The following MAX variants were observed in gnomAD, a reference collection of about 807,000 sequenced individuals.
The protein encoded by MAX is MYC associated transcriptional regulator X, also known as protein max.
In MAX, 3 loss-of-function variants were observed where a neutral mutation model predicts 22.3. That is an observed-to-expected ratio of 0.13 (90% CI 0.06 to 0.35). The LOEUF (loss-of-function observed/expected upper bound fraction) is 0.35, where lower values mean the gene tolerates loss of function less well. Ranked by LOEUF, MAX falls within the 10% of genes least tolerant of loss-of-function variation. MAX has a pLI of 1.00. For synonymous variants in MAX, 72 were observed against 77.7 expected (o/e 0.93, Z 0.39); for missense variants, 119 against 209.4 (o/e 0.57, Z 2.66).
At position 65,069,932 on chromosome 14, in the gene MAX, G is replaced by A. The variant is rs538993469; in HGVS notation, c.171+23776C>T. Among the ~76,000 whole-genome samples the A allele has an allele frequency of 6.6e-6, 1 of 152,230 alleles. No individual in the cohort carries two copies. The highest frequency in any genetic ancestry group is 2.4e-5 in the African/African-American group (1 of 41,460). The stretch of plus-strand genomic sequence containing the variant: ...TTCCTCCTCTTAGCTGGCTGGTCTT[G>A]TTGTGGCCTTTTGGCCCAAAGCTGT... On this transcript the variant is annotated intron_variant, in intron 3 of 3. Transcript: ENST00000341653. This position sits in a 1 kb window ranked among gnomAD's most constrained non-coding sequence, Gnocchi z 4.6.
At chr14:65,051,407 TAGAG>T (rs2062606236) in intron 3 of MAX, among the ~76,000 whole-genome samples, 1 of 152,192 alleles carries the variant, frequency 6.6e-6, no homozygotes, top group Non-Finnish European at 1.5e-5. Context: ...GGTCAGGAGT[TAGAG>T]AGCAGCCTGA....
chr14:65,073,077 T>C (rs2063005965), downstream of MAX, among the ~76,000 whole-genome samples: 1 of 152,222 alleles, frequency 6.6e-6, no homozygotes, highest in Admixed American at 6.5e-5. Context: ...AGTGCTTGCT[T>C]GGTCCTGAGG....
downstream of MAX, among the ~76,000 whole-genome samples, chr14:65,072,485 G>A (rs2062998740): frequency 6.6e-6 from 1 of 152,212 alleles, no homozygotes; most frequent in South Asian, 2.1e-4. Flanking sequence ...ATTCAGCTCA[G>A]CTGTGCCTAA....
downstream of MAX, chr14:65,006,107 C>T (rs1168772157): frequency 6.3e-7 from 1 of 1,585,594 alleles, no homozygotes; most frequent in East Asian, 2.2e-5. Flanking sequence ...GGTACTTCTG[C>T]TTACTGGAAC....
At chr14:65,091,793 AT>A (rs1832366785) in intron 3 of MAX, 1 of 152,240 alleles carries the variant, frequency 6.6e-6, no homozygotes, top group Non-Finnish European at 1.5e-5. Flanking sequence ...CTTACCTGAC[AT>A]AATACATATA....
chr14:65,044,546 T>C lies in MAX; in HGVS notation c.172-38262A>G. 1 of 1,472,860 alleles carries C rather than the reference T, an allele frequency of 6.8e-7. No individual in the cohort carries two copies. Among genetic ancestry groups the C allele is most frequent in the Non-Finnish European group, 9.0e-7 (1 of 1,106,446 alleles). 91.2% of individuals were successfully genotyped at this position (1,472,860 alleles called of 1,614,324 possible). A position where few individuals can be genotyped will look rare whatever the true frequency, so the allele number is the denominator to read the frequency against. ...TTTTTAGAGGGGTTGAAATGAGCTC[T>C]GTCTATCCTGGATTTTGAGTGCCCA... On this transcript the variant is annotated intron_variant, in intron 3 of 3. Coordinates refer to the MAX transcript ENST00000341653. This position sits in a 1 kb window ranked among gnomAD's most constrained non-coding sequence, Gnocchi z 5.5.
At chr14:65,036,192 T>C (rs886617200) in intron 3 of MAX, among the ~76,000 whole-genome samples, 1 of 152,174 alleles carries the variant, frequency 6.6e-6, no homozygotes, top group African/African-American at 2.4e-5. Flanking sequence ...TGTCATAGTT[T>C]CCTTATATGT....
chr14:65,021,741 G>A (rs981540213), intron 3 of MAX, among the ~76,000 whole-genome samples: 3 of 152,128 alleles, frequency 2.0e-5, no homozygotes, highest in African/African-American at 7.2e-5. Flanking sequence ...CACCTTCCGG[G>A]TTCAAGCGAT....
Position 65,012,527 on chromosome 14 carries a change from AG to A in MAX, c.172-6244del. 8.3e-7 allele frequency: 1 copy of A among 1,210,302 alleles called. No homozygotes were observed. Among genetic ancestry groups the A allele is most frequent in the Non-Finnish European group, 1.2e-6 (1 of 866,114 alleles). 75.0% of individuals were successfully genotyped at this position (1,210,302 alleles called of 1,614,324 possible). ...GTTCTCTGTGGCTCTGGCAGGAGGT[AG>A]GGTGCTGTCACAGAGCTGGGACTCA... is the stretch of plus-strand genomic sequence containing the variant. On this transcript the variant is annotated intron_variant, in intron 3 of 3. Coordinates refer to the MAX transcript ENST00000341653. This position sits in a 1 kb window ranked among gnomAD's most constrained non-coding sequence, Gnocchi z 5.0.
rs116502145 is a variant in MAX, at chr14:65,012,212, C to T, written c.172-5928G>A. On this transcript the variant is annotated intron_variant, in intron 3 of 3. Transcript: ENST00000341653. This position sits in a 1 kb window ranked among gnomAD's most constrained non-coding sequence, Gnocchi z 5.0. ...TATCCAGTCAGTGATTGCAGGGGGA[C>T]GTCCTGAAGCTGAGTGTTTACCCGT... 2,417 of 1,392,636 alleles carry T rather than the reference C, an allele frequency of 1.7e-3. 41 individuals carry two copies. In the South Asian group the frequency reaches 0.02, roughly 11 times the overall value. 86.3% of individuals were successfully genotyped at this position (1,392,636 alleles called of 1,614,324 possible). A position where few individuals can be genotyped will look rare whatever the true frequency, so the allele number is the denominator to read the frequency against.
chr14:65,089,979 A>G (rs2063455735), intron 3 of MAX: 1 of 152,210 alleles, frequency 6.6e-6, no homozygotes, highest in South Asian at 2.1e-4. Flanking sequence ...TCTACTTGCT[A>G]ACTCTGGGAC....
At chr14:65,019,599 G>T (rs1367339094) in intron 3 of MAX, among the ~76,000 whole-genome samples, 3 of 152,190 alleles carry the variant, frequency 2.0e-5, no homozygotes, top group African/African-American at 7.2e-5. Flanking sequence ...AAAATAAGCT[G>T]ATTTGTCCTT....
chr14:65,077,429 C>T lies in MAX; in HGVS notation c.295+484G>A. 6.2e-7 allele frequency: 1 copy of T among 1,606,410 alleles called. No homozygotes were observed. The highest frequency in any genetic ancestry group is 2.2e-5 in the East Asian group (1 of 44,828). On this transcript the variant is annotated intron_variant, in intron 4 of 4. Coordinates refer to ENST00000358664, the MANE Select transcript of MAX (RefSeq NM_002382.5). This position sits in a 1 kb window ranked among gnomAD's most constrained non-coding sequence, Gnocchi z 6.3. ...GAACTTGATCAGCTCTCGCTTTCCC[C>T]TGTGGTTGTAGGAAAAGGCGGGTGT...
chr14:65,065,377 C>G (rs1004837413), intron 3 of MAX, among the ~76,000 whole-genome samples: 3 of 152,196 alleles, frequency 2.0e-5, no homozygotes, highest in South Asian at 2.1e-4. Flanking sequence ...CAACCTAATA[C>G]AGTCATGTCA....
Position 65,102,480 on chromosome 14 carries a change from C to G in MAX, c.-141G>C. ...ACTCACTCACTCGCTCTCTCACTCA[C>G]ACACACACACAACACGGGCAAGAAC... On this transcript the variant is annotated 5_prime_UTR_variant, in exon 1 of 5. Transcript: ENST00000358664. 1 of 1,505,792 alleles carries G rather than the reference C, an allele frequency of 6.6e-7. No individual in the cohort carries two copies. The highest frequency in any genetic ancestry group is 2.5e-5 in the East Asian group (1 of 40,554). The allele number at this position is 1,505,792 out of a possible 1,614,324, so 93.3% of individuals were successfully genotyped here.
chr14:65,012,399 T>G lies in MAX; in HGVS notation c.172-6115A>C. On this transcript the variant is annotated intron_variant, in intron 3 of 3. Coordinates refer to the MAX transcript ENST00000341653. The surrounding 1 kb of genome is among the most constrained non-coding windows in gnomAD (Gnocchi z 5.0). ...GACAGATGCCTATGAGGTAAACACA[T>G]TACCCAGGAACTCTTGCTGTCAAAT... 6.2e-7 allele frequency: 1 copy of G among 1,614,048 alleles called. No homozygotes were observed. Among genetic ancestry groups the G allele is most frequent in the Non-Finnish European group, 8.5e-7 (1 of 1,179,914 alleles).
intron 3 of MAX, among the ~76,000 whole-genome samples, chr14:65,013,620 A>T (rs921685236): frequency 6.6e-6 from 1 of 152,140 alleles, no homozygotes; most frequent in Admixed American, 6.5e-5. Context: ...CATGATCGTG[A>T]GTCACTGCAA....
chr14:65,071,146 A>AT (rs796434858), downstream of MAX, among the ~76,000 whole-genome samples: 118 of 140,386 alleles, frequency 8.4e-4, no homozygotes, highest in African/African-American at 2.5e-3. This position sits in a 1 kb window ranked among gnomAD's most constrained non-coding sequence, Gnocchi z 4.2. Context: ...TTCACTCCAC[A>AT]TTTTTTTTTT....
intron 3 of MAX, among the ~76,000 whole-genome samples, chr14:65,056,599 T>G (rs1280622436): frequency 6.6e-6 from 1 of 152,216 alleles, no homozygotes; most frequent in African/African-American, 2.4e-5. Context: ...TATTTTCAAA[T>G]GTTTGTTGGC....
Sources: allele counts gnomAD v4.1 joint callset (sites outside exome capture counted in the v4.1 genomes callset), GRCh38; gene constraint gnomAD v4.1.1; non-coding constraint Gnocchi (gnomAD v3.1); transcripts MANE v1.5; gene names NCBI Gene and HGNC (gene_info 2026-07-23, HGNC 2026-07-21).